Variants in KCNK2 observed in about 807,000 individuals in gnomAD.
KCNK2 encodes potassium two pore domain channel subfamily K member 2.
In KCNK2, 21 loss-of-function variants were observed where a neutral mutation model predicts 40.5. The ratio of observed to expected loss-of-function variants is 0.52; its 90% CI spans 0.37 to 0.75. The LOEUF is 0.75. Among genes scored for constraint, KCNK2 ranks in the 30% least tolerant of loss-of-function variants. The pLI is 0.00. For synonymous variants in KCNK2, 191 were observed against 202.2 expected (o/e 0.94, Z 0.47); for missense variants, 399 against 531.6 (o/e 0.75, Z 2.45).
chr1:215,202,256 G>T (rs573641019), intron 6 of KCNK2, among the ~76,000 whole-genome samples: 2 of 152,294 alleles, frequency 1.3e-5, no homozygotes, highest in East Asian at 1.9e-4. Flanking sequence ...GGGGAGAGGG[G>T]TGTCCTTCAC....
intron 3 of KCNK2, among the ~76,000 whole-genome samples, chr1:215,137,694 A>G (rs191084641): frequency 1.3e-5 from 2 of 152,336 alleles, no homozygotes; most frequent in East Asian, 1.9e-4. Flanking sequence ...TTTCTAATAG[A>G]TGAATGATAA....
At chr1:215,136,980 GC>G (rs113624636) in intron 3 of KCNK2, among the ~76,000 whole-genome samples, 1 of 151,790 alleles carries the variant, frequency 6.6e-6, no homozygotes, top group Non-Finnish European at 1.5e-5. Flanking sequence ...CTTTATTAAT[GC>G]CAAAAAAATT....
intron 1 of KCNK2, among the ~76,000 whole-genome samples, chr1:215,023,797 C>T (rs556076138): frequency 2.6e-5 from 4 of 152,354 alleles, no homozygotes; most frequent in Admixed American, 6.5e-5. Flanking sequence ...AGAGGTGGCT[C>T]AAAGCTATGT....
At chr1:215,019,927 G>C (rs1269711366) in intron 1 of KCNK2, among the ~76,000 whole-genome samples, 11 of 148,384 alleles carry the variant, frequency 7.4e-5, no homozygotes, top group African/African-American at 2.2e-4. Flanking sequence ...TAGATATAGA[G>C]GGTACATGAG....
chr1:215,208,753 G>T (rs78093641), intron 6 of KCNK2, among the ~76,000 whole-genome samples: 1,569 of 152,102 alleles, frequency 0.01, 22 homozygotes, highest in African/African-American at 0.036. Context: ...TAAATATGAT[G>T]ATTTTTTTCA....
At chr1:215,141,273 C>A (rs1662161862) in intron 3 of KCNK2, among the ~76,000 whole-genome samples, 1 of 151,940 alleles carries the variant, frequency 6.6e-6, no homozygotes, top group Non-Finnish European at 1.5e-5. Flanking sequence ...TAAACCAGTA[C>A]CATAGTAACT....
intron 6 of KCNK2, among the ~76,000 whole-genome samples, chr1:215,222,630 G>T (rs989020390): frequency 3.3e-4 from 50 of 152,108 alleles, no homozygotes; most frequent in African/African-American, 9.2e-4. Context: ...AGCAGGTTAG[G>T]TTAAGAAGAC....
intron 1 of KCNK2, among the ~76,000 whole-genome samples, chr1:215,073,018 T>C (rs1156962842): frequency 2.6e-5 from 4 of 152,108 alleles, no homozygotes; most frequent in East Asian, 3.9e-4. Context: ...CCAATATGAA[T>C]GGTGTCCTTT....
intron 6 of KCNK2, among the ~76,000 whole-genome samples, chr1:215,195,896 C>A (rs779264163): frequency 1.3e-5 from 2 of 152,100 alleles, no homozygotes; most frequent in Admixed American, 6.6e-5. Flanking sequence ...ATCTGTAAAA[C>A]CTGTCCCTAT....
intron 3 of KCNK2, among the ~76,000 whole-genome samples, chr1:215,153,648 G>T (rs546411068): frequency 4.1e-4 from 62 of 150,408 alleles, no homozygotes; most frequent in Non-Finnish European, 4.0e-4. Context: ...TTTAAGTTCC[G>T]GGATACGTGT....
At chr1:215,054,304 C>T (rs924430689) in intron 1 of KCNK2, among the ~76,000 whole-genome samples, 1 of 152,180 alleles carries the variant, frequency 6.6e-6, no homozygotes, top group African/African-American at 2.4e-5. Flanking sequence ...GAAAGAGTTA[C>T]TTACACACAG....
intron 3 of KCNK2, among the ~76,000 whole-genome samples, chr1:215,159,725 C>T (rs1023354506): frequency 1.2e-4 from 18 of 152,054 alleles, no homozygotes; most frequent in Non-Finnish European, 2.2e-4. Flanking sequence ...TATTTACATA[C>T]TCATAAAGTG....
chr1:215,007,205 A>G (rs201984864), intron 1 of KCNK2, among the ~76,000 whole-genome samples: 30,485 of 109,434 alleles, frequency 0.28, 5,710 homozygotes, highest in South Asian at 0.51. Context: ...ATATATATAT[A>G]TATATATATA....
chr1:215,010,266 T>A (rs1656330033), intron 1 of KCNK2, among the ~76,000 whole-genome samples: 2 of 152,236 alleles, frequency 1.3e-5, no homozygotes, highest in South Asian at 2.1e-4. Flanking sequence ...CTGAATTTTT[T>A]ATATGAGTAG....
At chr1:215,186,257 A>T (rs1460223300) in intron 5 of KCNK2, among the ~76,000 whole-genome samples, 1 of 152,114 alleles carries the variant, frequency 6.6e-6, no homozygotes, top group Non-Finnish European at 1.5e-5. Context: ...AAACATTTTT[A>T]AAAATTAGCT....
At chr1:215,024,697 AAAAAC>A (rs1395028956) in intron 1 of KCNK2, among the ~76,000 whole-genome samples, 1 of 152,188 alleles carries the variant, frequency 6.6e-6, no homozygotes, top group Non-Finnish European at 1.5e-5. Context: ...CCTAAATGAG[AAAAAC>A]AAAACAAAAC....
At chr1:215,215,231 G>A (rs752317321) in intron 6 of KCNK2, among the ~76,000 whole-genome samples, 3 of 151,806 alleles carry the variant, frequency 2.0e-5, no homozygotes, top group South Asian at 2.1e-4. Context: ...CCAAATAAAA[G>A]GCAATAGGTA....
At position 215,083,488 on chromosome 1, in the gene KCNK2, C is replaced by G. The variant is rs570938656; in HGVS notation, c.46+57C>G. ...CTGGCCGCACGCTCTCCTGCCCCAG[C>G]CTTTTCTGGGAGGACTGCAAATGCC... On this transcript the variant is annotated intron_variant, in intron 1 of 6. Coordinates refer to ENST00000444842, the MANE Select transcript of KCNK2 (RefSeq NM_001017425.3). The G allele has an allele frequency of 5.2e-4, 693 of 1,323,980 alleles. 1 individual carries two copies. The highest frequency in any genetic ancestry group is 7.1e-4 in the Non-Finnish European group (647 of 917,562). 82.0% of individuals were successfully genotyped at this position (1,323,980 alleles called of 1,614,324 possible). A position where few individuals can be genotyped will look rare whatever the true frequency, so the allele number is the denominator to read the frequency against.
At chr1:215,044,944 G>C (rs1657708652) in intron 1 of KCNK2, among the ~76,000 whole-genome samples, 1 of 152,140 alleles carries the variant, frequency 6.6e-6, no homozygotes, top group Non-Finnish European at 1.5e-5. Flanking sequence ...GCCTAGGCGG[G>C]TGGATCACGA....
Sources: allele counts gnomAD v4.1 joint callset (sites outside exome capture counted in the v4.1 genomes callset), GRCh38; gene constraint gnomAD v4.1.1; transcripts MANE v1.5; gene names NCBI Gene and HGNC (gene_info 2026-07-23, HGNC 2026-07-21).